The following DNAH8 variants were observed in gnomAD, a reference collection of about 807,000 sequenced individuals.
DNAH8 encodes the protein dynein axonemal heavy chain 8.
DNAH8 carries 382 observed loss-of-function variants against 562.1 expected under a neutral mutation model. The ratio of observed to expected loss-of-function variants is 0.68; its 90% CI spans 0.63 to 0.74. DNAH8 has a LOEUF of 0.74. Ranked by LOEUF, DNAH8 falls within the 30% of genes least tolerant of loss-of-function variation. The pLI, the probability that DNAH8 is intolerant of heterozygous loss-of-function variation, is 0.00. For missense variants in DNAH8, 5,203 were observed against 5,620.4 expected (o/e 0.93, Z 2.37); for synonymous variants, 1,881 against 1,919.4 (o/e 0.98, Z 0.52).
At position 38,918,042 on chromosome 6, in the gene DNAH8, A is replaced by G. The variant is rs770309916; in HGVS notation, c.10426A>G (p.Ser3476Gly). 1 of 1,613,920 alleles carries G rather than the reference A, an allele frequency of 6.2e-7. No homozygotes were observed. The highest frequency in any genetic ancestry group is 8.5e-7 in the Non-Finnish European group (1 of 1,179,882). The change falls in exon 70 of 93, where the codon AGT becomes GGT. Residue 3476 changes from serine to glycine, a missense_variant. Ser to Gly is a moderately conservative substitution (Grantham distance 56, BLOSUM62 0). Transcript: ENST00000327475. The stretch of plus-strand genomic sequence containing the variant: ...TAATATGGATGATTATACTTTTGAA[A>G]GTGCCAAAAAAGTCTGTGGGAATGT... ...YFNMDDYTFESAKKVCGNVAG... is the reference protein window; with the variant it reads ...YFNMDDYTFEGAKKVCGNVAG...
chr6:39,030,542 G>A lies in DNAH8; in HGVS notation c.*150G>A, dbSNP rs1554166914. ...TGATGTTCTAAAATTGCTAGTGCGT[G>A]TGTGTTTTCCTCACATATCAATATT... On this transcript the variant is annotated 3_prime_UTR_variant, in exon 93 of 93. Transcript: ENST00000327475. The A allele has an allele frequency of 3.2e-6, 2 of 634,858 alleles. No individual in the cohort carries two copies. The highest frequency in any genetic ancestry group is 5.3e-6 in the Non-Finnish European group (2 of 375,126). The allele number at this position is 634,858 out of a possible 1,614,324, so 39.3% of individuals were successfully genotyped here. A position where few individuals can be genotyped will look rare whatever the true frequency, so the allele number is the denominator to read the frequency against.
At chr6:38,915,547 T>A (rs917555484) in intron 68 of DNAH8, among the ~76,000 whole-genome samples, 170 bp downstream of exon 68, 6 of 152,346 alleles carry the variant, frequency 3.9e-5, no homozygotes, top group African/African-American at 1.2e-4. Flanking sequence ...CTAATTTTTT[T>A]AAAGTCTTCC....
intron 3 of DNAH8, among the ~76,000 whole-genome samples, chr6:38,726,776 A>G (rs1763252448): frequency 6.6e-6 from 1 of 151,934 alleles, no homozygotes; most frequent in South Asian, 2.1e-4. Context: ...AAGAGATGGA[A>G]CAAGGAACAA....
chr6:38,803,257 A>G lies in DNAH8; in HGVS notation c.2980A>G (p.Ile994Val). Residue 994 changes from isoleucine to valine, a missense_variant, in exon 22 of 93, where the codon ATA becomes GTA. Physicochemically the swap from Ile to Val is conservative, Grantham distance 29 (BLOSUM62 3). This residue lies in a region of DNAH8 where 2,176 missense variants were observed against 2,365.1 expected (regional missense o/e 0.92). Transcript: ENST00000327475. The part of the protein sequence containing the change: ...VEEAVRELIS[I>V]FEQIYEVKYT... ...AGAAGCTGTCAGAGAACTTATATCA[A>G]TATTTGAGCAGATTTATGAAGTGAA... 2 of 1,609,684 alleles carry G rather than the reference A, an allele frequency of 1.2e-6. No homozygotes were observed. Among genetic ancestry groups the G allele is most frequent in the Non-Finnish European group, 1.7e-6 (2 of 1,177,138 alleles).
intron 83 of DNAH8, 31 bp downstream of exon 83, chr6:38,971,696 C>G (rs376274063): frequency 1.3e-6 from 2 of 1,511,284 alleles, no homozygotes; most frequent in African/African-American, 2.8e-5. Context: ...CCTGCTGCAA[C>G]ATTATTGCTA....
chr6:38,726,041 A>G (rs1763189791), intron 3 of DNAH8, among the ~76,000 whole-genome samples: 1 of 152,178 alleles, frequency 6.6e-6, no homozygotes, highest in African/African-American at 2.4e-5. Context: ...GATGGTGACA[A>G]TGAGAGGAAG....
chr6:38,808,972 G>A (rs764115386), intron 24 of DNAH8, among the ~76,000 whole-genome samples: 17 of 151,962 alleles, frequency 1.1e-4, no homozygotes, highest in Non-Finnish European at 2.4e-4. Flanking sequence ...GATAGCATTA[G>A]AAGAAATACC....
chr6:38,983,214 G>GT (rs1395147124), intron 86 of DNAH8, among the ~76,000 whole-genome samples: 1 of 152,198 alleles, frequency 6.6e-6, no homozygotes, highest in Non-Finnish European at 1.5e-5. Context: ...GAACGAATGA[G>GT]TTAGTATTTG....
chr6:38,761,529 C>T (rs1034299371), intron 10 of DNAH8, among the ~76,000 whole-genome samples, 173 bp from the exon 11 acceptor site: 5 of 151,722 alleles, frequency 3.3e-5, no homozygotes, highest in Admixed American at 3.3e-4. Flanking sequence ...CTTCTGGGCT[C>T]AAGTTACCCT....
chr6:38,747,213 C>T (rs547920406), intron 8 of DNAH8, among the ~76,000 whole-genome samples: 2 of 152,180 alleles, frequency 1.3e-5, no homozygotes, highest in East Asian at 3.9e-4. Flanking sequence ...TTATCTTCCC[C>T]ATTTTGTATA....
intron 67 of DNAH8, among the ~76,000 whole-genome samples, chr6:38,914,262 G>C (rs1781122392): frequency 6.7e-6 from 1 of 148,412 alleles, no homozygotes; most frequent in Admixed American, 6.7e-5. Flanking sequence ...TAAGGTCCCT[G>C]TATGTTCCAG....
At chr6:39,008,295 G>A (rs1275065927) in intron 88 of DNAH8, among the ~76,000 whole-genome samples, 1 of 152,032 alleles carries the variant, frequency 6.6e-6, no homozygotes, top group East Asian at 1.9e-4. Flanking sequence ...GAGCCGATGG[G>A]CGTCAATAGA....
intron 81 of DNAH8, among the ~76,000 whole-genome samples, chr6:38,951,063 T>C (rs1475415255): frequency 1.3e-5 from 2 of 152,176 alleles, no homozygotes; most frequent in African/African-American, 4.8e-5. Context: ...TACCATGTGT[T>C]GGAGCTGGTA....
chr6:38,809,856 A>G (rs1246399219), intron 24 of DNAH8, among the ~76,000 whole-genome samples: 1 of 152,158 alleles, frequency 6.6e-6, no homozygotes, highest in Non-Finnish European at 1.5e-5. Context: ...TAGTAGCTAA[A>G]CCTGCTTAAG....
chr6:39,001,394 C>G (rs1184600106), intron 88 of DNAH8, among the ~76,000 whole-genome samples: 1 of 152,030 alleles, frequency 6.6e-6, no homozygotes, highest in Non-Finnish European at 1.5e-5. Flanking sequence ...AAAGCAAGCA[C>G]TGAGAGCTAT....
chr6:38,903,612 CTT>C (rs756414599), intron 62 of DNAH8, among the ~76,000 whole-genome samples: 23 of 129,438 alleles, frequency 1.8e-4, no homozygotes, highest in African/African-American at 6.0e-4. Flanking sequence ...TTCTTTCTTC[CTT>C]TTTTTTTTTT....
intron 74 of DNAH8, among the ~76,000 whole-genome samples, chr6:38,926,631 G>A (rs1220153991): frequency 6.6e-6 from 1 of 152,140 alleles, no homozygotes; most frequent in African/African-American, 2.4e-5. Flanking sequence ...ATTTTAAGGT[G>A]AGAGTAGACA....
intron 35 of DNAH8, among the ~76,000 whole-genome samples, chr6:38,843,552 A>ATT (rs1382751266): frequency 2.0e-5 from 3 of 152,042 alleles, no homozygotes; most frequent in African/African-American, 7.2e-5. Flanking sequence ...AAAAGTAAAG[A>ATT]TCTCCTTGCT....
rs188101498 is a variant in DNAH8, at chr6:38,974,490, G to C, written c.12795G>C (p.Pro4265=). The C allele has an allele frequency of 1.9e-5, 31 of 1,613,726 alleles. 1 individual carries two copies. In the East Asian group the frequency reaches 2.2e-4, roughly 12 times the overall value. ...LDISNLPMWK[P]MLYTVAFLHS... is the part of the protein sequence containing the mutation. ...TCAGTAATTTACCCATGTGGAAGCC[G>C]ATGCTTTACACAGTAGCATTTTTAC... is the stretch of plus-strand genomic sequence containing the variant. The change falls in exon 85 of 93, where the codon CCG becomes CCC. Residue 4265 remains proline, a synonymous_variant. Coordinates refer to ENST00000327475, the MANE Select transcript of DNAH8 (RefSeq NM_001206927.2).
Sources: allele counts gnomAD v4.1 joint callset (sites outside exome capture counted in the v4.1 genomes callset), GRCh38; gene constraint gnomAD v4.1.1; regional missense constraint gnomAD v4.1.1; transcripts MANE v1.5; gene names NCBI Gene and HGNC (gene_info 2026-07-23, HGNC 2026-07-21).